Variants in SAXO1 observed in about 807,000 individuals in gnomAD.
SAXO1 encodes stabilizer of axonemal microtubules 1.
SAXO1 carries 21 observed loss-of-function variants against 17.5 expected under a neutral mutation model. The ratio of observed to expected loss-of-function variants is 1.20; its 90% CI spans 0.85 to 1.72. The LOEUF (loss-of-function observed/expected upper bound fraction) is 1.72. SAXO1 is among the 40% of genes most tolerant of loss of function. SAXO1 has a pLI of 0.00. For synonymous variants in SAXO1, 274 were observed against 216.5 expected (o/e 1.27, Z -2.33); for missense variants, 843 against 596.0 (o/e 1.41, Z -4.32).
chr9:19,042,284 G>A (rs548223800), intron 1 of SAXO1, among the ~76,000 whole-genome samples: 216 of 152,208 alleles, frequency 1.4e-3, no homozygotes, highest in African/African-American at 5.0e-3. Context: ...TCCAAATGAT[G>A]GGCAATAACA....
intron 1 of SAXO1, among the ~76,000 whole-genome samples, chr9:19,019,109 CA>C (rs1430904528): frequency 6.9e-6 from 1 of 145,486 alleles, no homozygotes; most frequent in African/African-American, 2.5e-5. Context: ...AACTCCATCT[CA>C]AAAAAAAAGA....
chr9:19,006,156 T>C (rs1776826487), intron 1 of SAXO1, among the ~76,000 whole-genome samples: 1 of 152,200 alleles, frequency 6.6e-6, no homozygotes. Context: ...ATTAGAATCC[T>C]AGTGCGTTGC....
intron 1 of SAXO1, among the ~76,000 whole-genome samples, chr9:18,973,251 A>G (rs2131800205): frequency 6.6e-6 from 1 of 152,330 alleles, no homozygotes; most frequent in Admixed American, 6.5e-5. Context: ...ACTGGTTTTA[A>G]TTATGCATAA....
At position 19,004,400 on chromosome 9, in the gene SAXO1, T is replaced by G. The variant is rs143608827; in HGVS notation, c.38+28471A>C. Reference sequence around the variant, plus strand: ...CAAAGGATTATAAATCATGCTACTATAAAGACACATGCACATATATGTTTA... The same window carrying G: ...CAAAGGATTATAAATCATGCTACTAGAAAGACACATGCACATATATGTTTA... On this transcript the variant is annotated intron_variant, in intron 1 of 3. Coordinates refer to ENST00000380534, the MANE Select transcript of SAXO1 (RefSeq NM_153707.4). Among the ~76,000 whole-genome samples the G allele has an allele frequency of 1.6e-4, 24 of 152,316 alleles. No individual in the cohort carries two copies. In the East Asian group the frequency reaches 4.4e-3, roughly 28 times the overall value.
chr9:18,965,049 C>T (rs555029436), intron 1 of SAXO1, among the ~76,000 whole-genome samples: 5 of 152,298 alleles, frequency 3.3e-5, no homozygotes, highest in East Asian at 3.9e-4. Context: ...GTTCAGTTTC[C>T]ATGTAGTCGT....
At chr9:18,998,254 G>A (rs1180703487) in intron 1 of SAXO1, among the ~76,000 whole-genome samples, 2 of 152,126 alleles carry the variant, frequency 1.3e-5, no homozygotes, top group African/African-American at 4.8e-5. Flanking sequence ...AATAACCTAT[G>A]TAGAGAAGAG....
chr9:19,002,350 T>C (rs1166310328), intron 1 of SAXO1, among the ~76,000 whole-genome samples: 1 of 152,210 alleles, frequency 6.6e-6, no homozygotes, highest in African/African-American at 2.4e-5. Context: ...TCTGAAACTA[T>C]TTCAAACAAC....
At chr9:18,947,731 A>G (rs1053918990) in intron 2 of SAXO1, 2 of 152,242 alleles carry the variant, frequency 1.3e-5, no homozygotes, top group Non-Finnish European at 2.9e-5. Flanking sequence ...ATTCTACACC[A>G]GAGAATTACC....
At position 18,973,350 on chromosome 9, in the gene SAXO1, C is replaced by T. The variant is rs142618719; in HGVS notation, c.39-22413G>A. Among the ~76,000 whole-genome samples, 424 of 152,360 alleles carry T rather than the reference C, an allele frequency of 2.8e-3. 1 individual carries two copies. The highest frequency in any genetic ancestry group is 0.02 in the Middle Eastern group (6 of 294). On this transcript the variant is annotated intron_variant, in intron 1 of 3. Transcript: ENST00000380534. ...AGCACCTTTAAAGTGGCATTCAATA[C>T]AGCTGCCATACAGCTGCACATCTCA...
At chr9:18,977,993 CAAAA>C (rs371914686) in intron 1 of SAXO1, among the ~76,000 whole-genome samples, 1 of 98,662 alleles carries the variant, frequency 1.0e-5, no homozygotes, top group Non-Finnish European at 1.9e-5. Flanking sequence ...GAGACCCTGC[CAAAA>C]AAAAAAAAAA....
At chr9:18,963,747 A>G (rs1029233055) in intron 1 of SAXO1, among the ~76,000 whole-genome samples, 7 of 152,288 alleles carry the variant, frequency 4.6e-5, no homozygotes, top group African/African-American at 1.7e-4. Flanking sequence ...AACAGAGACA[A>G]TTTGACTTCC....
At chr9:18,997,458 G>A (rs1020732272) in intron 1 of SAXO1, among the ~76,000 whole-genome samples, 2 of 152,252 alleles carry the variant, frequency 1.3e-5, no homozygotes, top group Non-Finnish European at 2.9e-5. Flanking sequence ...AAAGAGGCAG[G>A]AAAGCTCAAA....
At chr9:18,986,932 G>T (rs374555145) in intron 1 of SAXO1, among the ~76,000 whole-genome samples, 7 of 152,158 alleles carry the variant, frequency 4.6e-5, no homozygotes, top group Admixed American at 6.5e-5. Flanking sequence ...AGGGGTGCCC[G>T]TTTCTAATTT....
chr9:18,999,528 C>A (rs1834159432), intron 1 of SAXO1, among the ~76,000 whole-genome samples: 1 of 145,170 alleles, frequency 6.9e-6, no homozygotes. Flanking sequence ...CTCTGCCCGG[C>A]CGCCACACCG....
chr9:18,980,868 G>A (rs1265269304), intron 1 of SAXO1, among the ~76,000 whole-genome samples: 1 of 147,934 alleles, frequency 6.8e-6, no homozygotes, highest in Admixed American at 6.8e-5. Flanking sequence ...TCATCCATCA[G>A]TTAACATCTT....
chr9:18,936,565 A>G (rs994769561), intron 3 of SAXO1, among the ~76,000 whole-genome samples: 1 of 152,196 alleles, frequency 6.6e-6, no homozygotes, highest in African/African-American at 2.4e-5. Flanking sequence ...TTGAAACCAC[A>G]TTATTATCCA....
chr9:19,015,229 G>C (rs1207608776), intron 1 of SAXO1, among the ~76,000 whole-genome samples: 1 of 152,190 alleles, frequency 6.6e-6, no homozygotes, highest in Non-Finnish European at 1.5e-5. Context: ...ACAATGGCAT[G>C]ATCATGGCTT....
chr9:19,009,560 G>A (rs545592918), intron 1 of SAXO1, among the ~76,000 whole-genome samples: 1 of 150,756 alleles, frequency 6.6e-6, no homozygotes, highest in Non-Finnish European at 1.5e-5. Context: ...AAACTGTGAA[G>A]TAATAGAAAC....
intron 1 of SAXO1, among the ~76,000 whole-genome samples, chr9:18,970,065 C>G (rs1832889900): frequency 6.6e-6 from 1 of 152,198 alleles, no homozygotes; most frequent in Non-Finnish European, 1.5e-5. Flanking sequence ...TGTATGGCCT[C>G]TGCCTTACTA....
Sources: gnomAD v4.1 joint callset for allele counts (sites outside exome capture counted in the v4.1 genomes callset) on GRCh38, gnomAD v4.1.1 for gene constraint, MANE v1.5 for transcripts, NCBI Gene and HGNC (gene_info 2026-07-23, HGNC 2026-07-21) for gene names.